XKR6: variants seen among roughly 807,000 people sequenced by gnomAD.
XKR6 encodes the protein XK related 6.
XKR6 carries 22 observed loss-of-function variants against 56.7 expected under a neutral mutation model. The observed-to-expected ratio is 0.39, with a 90% CI of 0.28 to 0.55. The LOEUF is 0.55. XKR6 is among the 20% of genes least tolerant of loss of function. The pLI, the probability that XKR6 is intolerant of heterozygous loss-of-function variation, is 0.66. For synonymous variants in XKR6, 524 were observed against 387.8 expected, an observed-to-expected ratio of 1.35 and a Z score of -4.13; for missense variants, 852 against 889.0, an observed-to-expected ratio of 0.96 and a Z score of 0.53.
At chr8:11,111,156 C>A (rs1798872537) in intron 1 of XKR6, among the ~76,000 whole-genome samples, 1 of 152,024 alleles carries the variant, frequency 6.6e-6, no homozygotes, top group Admixed American at 6.6e-5. Context: ...GCCTGCCCAA[C>A]TTTCCATTTT....
chr8:10,981,383 A>G (rs780656079), intron 1 of XKR6, among the ~76,000 whole-genome samples: 87 of 152,316 alleles, frequency 5.7e-4, no homozygotes, highest in Non-Finnish European at 9.7e-4. Context: ...GGAAGGGCCA[A>G]GTAGAGGAGA....
intron 1 of XKR6, chr8:11,113,736 G>C (rs1186839774): frequency 6.6e-6 from 1 of 152,396 alleles, no homozygotes; most frequent in African/African-American, 2.4e-5. Flanking sequence ...TTGCTGATTA[G>C]GTAGCTCACA....
At chr8:11,081,490 A>T (rs1164985582) in intron 1 of XKR6, among the ~76,000 whole-genome samples, 2 of 152,200 alleles carry the variant, frequency 1.3e-5, no homozygotes, top group African/African-American at 4.8e-5. Flanking sequence ...TCACACATCA[A>T]AATGTGGACA....
intron 1 of XKR6, among the ~76,000 whole-genome samples, chr8:10,968,555 G>A (rs1420591818): frequency 2.0e-5 from 3 of 152,208 alleles, no homozygotes; most frequent in African/African-American, 7.2e-5. Flanking sequence ...TCCAGGCCTA[G>A]GGTGTTTGTT....
intron 1 of XKR6, among the ~76,000 whole-genome samples, chr8:10,966,829 G>A (rs1286171697): frequency 1.3e-5 from 2 of 152,200 alleles, no homozygotes; most frequent in East Asian, 1.9e-4. Context: ...CGTCTGAGAA[G>A]CCGTGGTCTA....
intron 1 of XKR6, among the ~76,000 whole-genome samples, chr8:11,040,475 T>C (rs1482587525): frequency 1.3e-5 from 2 of 151,844 alleles, no homozygotes; most frequent in African/African-American, 4.8e-5. Context: ...GAGGCTGCAG[T>C]GAGCCATGAT....
At chr8:11,172,558 T>C (rs1261058156) in intron 1 of XKR6, among the ~76,000 whole-genome samples, 1 of 152,158 alleles carries the variant, frequency 6.6e-6, no homozygotes, top group Non-Finnish European at 1.5e-5. Context: ...TGGATTATCA[T>C]AATGGCATTG....
chr8:11,130,894 G>C (rs939762396), intron 1 of XKR6, among the ~76,000 whole-genome samples: 1 of 152,094 alleles, frequency 6.6e-6, no homozygotes, highest in African/African-American at 2.4e-5. Flanking sequence ...CAGTAACCTT[G>C]CAGAGCAGCA....
At chr8:11,026,017 CAAT>C (rs1322272376) in intron 1 of XKR6, among the ~76,000 whole-genome samples, 2 of 152,280 alleles carry the variant, frequency 1.3e-5, no homozygotes, top group East Asian at 1.9e-4. Flanking sequence ...CATGTTTAAA[CAAT>C]AATATCTTAT....
At chr8:10,962,187 G>T (rs1192601935) in intron 1 of XKR6, among the ~76,000 whole-genome samples, 1 of 152,210 alleles carries the variant, frequency 6.6e-6, no homozygotes, top group Non-Finnish European at 1.5e-5. Context: ...AAAGAAGTAA[G>T]AAAATGCAAA....
chr8:10,941,979 A>G (rs68164957), intron 1 of XKR6, among the ~76,000 whole-genome samples: 7 of 152,066 alleles, frequency 4.6e-5, no homozygotes, highest in African/African-American at 1.7e-4. Context: ...AAAAAGACTC[A>G]GAAAGCCGAC....
intron 1 of XKR6, among the ~76,000 whole-genome samples, chr8:11,078,232 T>C (rs1051922741): frequency 4.6e-5 from 7 of 152,206 alleles, no homozygotes; most frequent in Non-Finnish European, 7.3e-5. Flanking sequence ...CTGACACTTA[T>C]TGAATTTCTC....
intron 1 of XKR6, among the ~76,000 whole-genome samples, chr8:11,142,940 G>A (rs774973400): frequency 2.0e-5 from 3 of 152,130 alleles, no homozygotes; most frequent in Non-Finnish European, 4.4e-5. Context: ...AACTGGTCAC[G>A]TTCTAAGGAT....
intron 1 of XKR6, among the ~76,000 whole-genome samples, chr8:11,117,409 C>T (rs905816108): frequency 6.6e-6 from 1 of 152,174 alleles, no homozygotes; most frequent in African/African-American, 2.4e-5. Flanking sequence ...AAACACAACA[C>T]ATTTATCAGT....
chr8:11,166,890 T>C (rs942884776), intron 1 of XKR6, among the ~76,000 whole-genome samples: 1 of 152,114 alleles, frequency 6.6e-6, no homozygotes, highest in South Asian at 2.1e-4. Flanking sequence ...TAACATTTAA[T>C]AGGGAAAATA....
intron 1 of XKR6, among the ~76,000 whole-genome samples, chr8:11,112,791 C>T (rs73662698): frequency 0.023 from 3,520 of 152,230 alleles, 153 homozygotes; most frequent in African/African-American, 0.078. Context: ...ATTTCCATGG[C>T]CAGCTTGTGA....
In XKR6 at chr8:10,997,165, T is replaced by C. The variant is rs181152966; in HGVS notation, c.765-72335A>G. Among the ~76,000 whole-genome samples, 667 of 152,264 alleles carry C rather than the reference T, an allele frequency of 4.4e-3. 3 individuals are homozygous for C. Among genetic ancestry groups the C allele is most frequent in the African/African-American group, 0.015 (625 of 41,538 alleles). On this transcript the variant is annotated intron_variant, in intron 1 of 2. Coordinates refer to ENST00000416569, the MANE Select transcript of XKR6 (RefSeq NM_173683.4). ...GTACAACCTTCGTAGCTTTTATGTA[T>C]GCTTTATTATAAATGACCCCACCTA...
chr8:11,053,210 G>C (rs1326016598), intron 1 of XKR6, among the ~76,000 whole-genome samples: 1 of 152,208 alleles, frequency 6.6e-6, no homozygotes, highest in Non-Finnish European at 1.5e-5. Context: ...TCCTCATCCA[G>C]GCCTCAGTCA....
At chr8:11,015,643 T>G (rs10216472) in intron 1 of XKR6, among the ~76,000 whole-genome samples, 72,455 of 152,046 alleles carry the variant, frequency 0.48, 22,041 homozygotes, top group African/African-American at 0.86. Flanking sequence ...GCTGGCTGCG[T>G]TCGGGACCCA....
Sources: allele counts gnomAD v4.1 joint callset (sites outside exome capture counted in the v4.1 genomes callset), GRCh38; gene constraint gnomAD v4.1.1; transcripts MANE v1.5; gene names NCBI Gene and HGNC (gene_info 2026-07-23, HGNC 2026-07-21).